Variants in MSRA observed in about 807,000 individuals in gnomAD.
The protein encoded by MSRA is mitochondrial peptide methionine sulfoxide reductase.
In MSRA, 54 loss-of-function variants were observed where a neutral mutation model predicts 31.3. The observed-to-expected ratio is 1.73, with a 90% CI of 1.39 to 2.17. MSRA has a LOEUF of 2.17. Ranked by LOEUF, MSRA falls within the 30% of genes most tolerant of loss-of-function variation. The pLI is 0.00. For missense variants in MSRA, 507 were observed against 300.9 expected (o/e 1.69, Z -5.07); for synonymous variants, 169 against 116.5 (o/e 1.45, Z -2.90).
chr8:10,156,050 C>T (rs977918140), intron 1 of MSRA, among the ~76,000 whole-genome samples: 4 of 151,992 alleles, frequency 2.6e-5, no homozygotes, highest in South Asian at 2.1e-4. Flanking sequence ...TGATGTGATG[C>T]GGTAGGAGGA....
At chr8:10,237,129 G>T (rs1005416928) in intron 2 of MSRA, among the ~76,000 whole-genome samples, 1 of 152,190 alleles carries the variant, frequency 6.6e-6, no homozygotes. Flanking sequence ...GGTTTTCATT[G>T]TGTTGTGGTT....
intron 1 of MSRA, among the ~76,000 whole-genome samples, chr8:10,092,362 A>T (rs887354935): frequency 6.6e-6 from 1 of 152,134 alleles, no homozygotes; most frequent in East Asian, 1.9e-4. Flanking sequence ...ATATATCCTT[A>T]AGTATGTACA....
intron 1 of MSRA, among the ~76,000 whole-genome samples, chr8:10,195,328 C>G (rs1807875777): frequency 6.6e-6 from 1 of 152,216 alleles, no homozygotes; most frequent in Non-Finnish European, 1.5e-5. Context: ...GCAATCTCTG[C>G]CTCCCGGGTT....
chr8:10,236,024 G>T (rs541976090), intron 2 of MSRA, among the ~76,000 whole-genome samples: 2 of 152,130 alleles, frequency 1.3e-5, no homozygotes, highest in African/African-American at 4.8e-5. Flanking sequence ...ATTAAAGGAG[G>T]GAGAACATAT....
At chr8:10,282,140 C>A in intron 3 of MSRA, among the ~76,000 whole-genome samples, 1 of 152,000 alleles carries the variant, frequency 6.6e-6, no homozygotes, top group Middle Eastern at 3.4e-3. Flanking sequence ...ATTTATAATT[C>A]GTACTAATCA....
chr8:10,226,147 G>A (rs1318744071), intron 2 of MSRA, among the ~76,000 whole-genome samples: 1 of 152,174 alleles, frequency 6.6e-6, no homozygotes, highest in Non-Finnish European at 1.5e-5. Flanking sequence ...TCTACAGCAG[G>A]TGACTGTTCA....
intron 5 of MSRA, among the ~76,000 whole-genome samples, chr8:10,356,732 G>C (rs1207564470): frequency 6.6e-6 from 1 of 152,044 alleles, no homozygotes; most frequent in Non-Finnish European, 1.5e-5. Flanking sequence ...ACCAGACATA[G>C]AATCTACCTT....
At chr8:10,290,581 C>T (rs1034190654) in intron 3 of MSRA, among the ~76,000 whole-genome samples, 47 of 152,202 alleles carry the variant, frequency 3.1e-4, no homozygotes, top group African/African-American at 1.1e-3. Flanking sequence ...GGCCTGCCCC[C>T]AGCTCTCCTG....
chr8:10,146,139 C>G (rs879661605), intron 1 of MSRA, among the ~76,000 whole-genome samples: 1 of 152,128 alleles, frequency 6.6e-6, no homozygotes, highest in Non-Finnish European at 1.5e-5. Flanking sequence ...CAGAACAAAA[C>G]AAGCATGACC....
At chr8:10,216,593 C>T (rs1487712806) in intron 2 of MSRA, among the ~76,000 whole-genome samples, 2 of 152,204 alleles carry the variant, frequency 1.3e-5, no homozygotes, top group Non-Finnish European at 2.9e-5. Context: ...TTCCCCCAGC[C>T]CCTGGTAACC....
At chr8:10,262,498 C>T (rs1013894909) in intron 3 of MSRA, among the ~76,000 whole-genome samples, 1 of 151,976 alleles carries the variant, frequency 6.6e-6, no homozygotes, top group Non-Finnish European at 1.5e-5. Flanking sequence ...TTTTCTTATG[C>T]TTATTTGCTA....
intron 5 of MSRA, among the ~76,000 whole-genome samples, chr8:10,426,349 G>A (rs113315522): frequency 3.5e-4 from 54 of 152,290 alleles, no homozygotes; most frequent in South Asian, 2.7e-3. Context: ...AGGGCTGTTC[G>A]CGTGAAGGTC....
At chr8:10,201,559 G>A (rs1585155967) in intron 1 of MSRA, among the ~76,000 whole-genome samples, 2 of 152,302 alleles carry the variant, frequency 1.3e-5, no homozygotes, top group South Asian at 2.1e-4. Flanking sequence ...GCTCATCCCT[G>A]ATTGGTTTAT....
chr8:10,256,466 A>G (rs1305259201), intron 3 of MSRA, among the ~76,000 whole-genome samples: 1 of 152,192 alleles, frequency 6.6e-6, no homozygotes, highest in Non-Finnish European at 1.5e-5. Context: ...GTAGAGATTA[A>G]TGCAAGAACT....
intron 2 of MSRA, among the ~76,000 whole-genome samples, chr8:10,211,985 A>G (rs1809540732): frequency 6.6e-6 from 1 of 152,100 alleles, no homozygotes; most frequent in Non-Finnish European, 1.5e-5. Context: ...GGGGATTCCA[A>G]GCTTAATTTG....
At chr8:10,124,267 C>CT in intron 1 of MSRA, among the ~76,000 whole-genome samples, 1 of 152,240 alleles carries the variant, frequency 6.6e-6, no homozygotes, top group Admixed American at 6.5e-5. Flanking sequence ...ATGGTGACAG[C>CT]TCCAAGAAGA....
chr8:10,204,785 A>C (rs1463391133), intron 1 of MSRA, among the ~76,000 whole-genome samples: 1 of 152,324 alleles, frequency 6.6e-6, no homozygotes, highest in Non-Finnish European at 1.5e-5. Flanking sequence ...TTTTAGTACC[A>C]TTTACCTCAC....
chr8:10,104,384 G>T lies in MSRA; in HGVS notation c.142+49726G>T, dbSNP rs367648956. ...CTCAGGAGGTCCTGACATGTGCCCA[G>T]GGTGATGGGGGTACAGCTTGGTTTT... On this transcript the variant is annotated intron_variant, in intron 1 of 5. Transcript: ENST00000317173. 1.6e-4 allele frequency among the ~76,000 whole-genome samples: 24 copies of T among 152,302 alleles called. 1 individual carries two copies. The highest frequency in any genetic ancestry group is 5.8e-4 in the African/African-American group (24 of 41,556).
At chr8:10,131,117 T>G (rs939704950) in intron 1 of MSRA, among the ~76,000 whole-genome samples, 1 of 152,234 alleles carries the variant, frequency 6.6e-6, no homozygotes, top group African/African-American at 2.4e-5. Context: ...TCCTTCTCTG[T>G]GGAATGTTAG....
Sources: gnomAD v4.1 joint callset for allele counts (sites outside exome capture counted in the v4.1 genomes callset) on GRCh38, gnomAD v4.1.1 for gene constraint, MANE v1.5 for transcripts, NCBI Gene and HGNC (gene_info 2026-07-23, HGNC 2026-07-21) for gene names.